Variants in PCDHGA5 observed in about 807,000 individuals in gnomAD.
PCDHGA5 encodes protocadherin gamma subfamily A, 5.
Under a neutral mutation model 56.7 loss-of-function variants are expected in PCDHGA5, and 36 were observed. That is an observed-to-expected ratio of 0.64 (90% CI 0.49 to 0.84). The LOEUF (loss-of-function observed/expected upper bound fraction) is 0.84, where lower values mean the gene tolerates loss of function less well. Among genes scored for constraint, PCDHGA5 ranks in the 40% least tolerant of loss-of-function variants. PCDHGA5 has a pLI of 0.00. For missense variants in PCDHGA5, 1,305 were observed against 1,201.5 expected, an observed-to-expected ratio of 1.09 and a Z score of -1.27; for synonymous variants, 563 against 520.2, an observed-to-expected ratio of 1.08 and a Z score of -1.12.
At chr5:141,397,871 C>G (rs2093579938) in intron 1 of PCDHGA5, 6 of 574,628 alleles carry the variant, frequency 1.0e-5, no homozygotes, top group Non-Finnish European at 1.8e-5. Flanking sequence ...AGTGCTGACT[C>G]TGGGCGCCGC....
rs1446432461 is a variant in PCDHGA5, at chr5:141,511,005, C to G, written c.2628C>G (p.Ala876=). 6.2e-7 allele frequency: 1 copy of G among 1,614,176 alleles called. No individual in the cohort carries two copies. Among genetic ancestry groups the G allele is most frequent in the Middle Eastern group, 1.6e-4 (1 of 6,062 alleles). ...GGGAGTMGLS[A]RYGPQFTLQH... is the part of the protein sequence containing the mutation. ...GTGCCGGCACCATGGGATTGAGCGC[C>G]CGCTACGGACCCCAGTTCACCCTGC... Residue 876 remains alanine, a synonymous_variant, in exon 4 of 4, where the codon GCC becomes GCG. Coordinates refer to ENST00000518069, the MANE Select transcript of PCDHGA5 (RefSeq NM_018918.3).
intron 1 of PCDHGA5, chr5:141,404,273 C>G (rs751189949): frequency 6.2e-7 from 1 of 1,613,870 alleles, no homozygotes; most frequent in African/African-American, 1.3e-5. Flanking sequence ...CATCACCCTG[C>G]AAGTGACTGA....
At chr5:141,400,214 C>T in intron 1 of PCDHGA5, 1 of 1,614,042 alleles carries the variant, frequency 6.2e-7, no homozygotes, top group Non-Finnish European at 8.5e-7. Context: ...GCCTTGATCT[C>T]AGTGCTCTTC....
chr5:141,409,753 G>T, intron 1 of PCDHGA5: 1 of 1,613,006 alleles, frequency 6.2e-7, no homozygotes. Context: ...TGTTCGCGCA[G>T]CGCGCCTTTG....
Position 141,366,644 on chromosome 5 carries a change from C to G in PCDHGA5, c.2314C>G (p.Gln772Glu), listed in dbSNP as rs759831298. The change falls in exon 1 of 4, where the codon CAG (glutamine) becomes GAG (glutamate). Residue 772 changes from glutamine (Q) to glutamate (E), a missense_variant. Gln to Glu is a conservative substitution (Grantham distance 29). Coordinates refer to ENST00000518069, the MANE Select transcript of PCDHGA5 (RefSeq NM_018918.3). ...GAGGAAGAGTCACCTGATCTTTCCC[C>G]AGCCCAACTACGCAGACACGCTCCT... Reference protein sequence around the residue: ...DSRKSHLIFPQPNYADTLLSE... With the variant: ...DSRKSHLIFPEPNYADTLLSE... The G allele has an allele frequency of 3.7e-6, 6 of 1,614,268 alleles. No homozygotes were observed. Among genetic ancestry groups the G allele is most frequent in the Non-Finnish European group, 5.1e-6 (6 of 1,180,046 alleles).
At chr5:141,399,901 G>A (rs767228671) in intron 1 of PCDHGA5, 42 of 1,612,296 alleles carry the variant, frequency 2.6e-5, no homozygotes, top group African/African-American at 1.3e-5. Flanking sequence ...GGCCGTGGAC[G>A]CAGACTCAGG....
intron 1 of PCDHGA5, chr5:141,430,848 A>G (rs780445178): frequency 1.3e-6 from 2 of 1,581,028 alleles, no homozygotes; most frequent in Admixed American, 1.8e-5. Flanking sequence ...GGATGCACCC[A>G]GATACGCTAT....
At chr5:141,442,111 C>G (rs1265830634) in intron 1 of PCDHGA5, 1 of 166,236 alleles carries the variant, frequency 6.0e-6, no homozygotes, top group Non-Finnish European at 1.3e-5. Context: ...CACTACCGCC[C>G]CTCGTCGCCG....
intron 1 of PCDHGA5, chr5:141,422,519 C>T (rs1297821851): frequency 6.2e-7 from 1 of 1,613,968 alleles, no homozygotes; most frequent in African/African-American, 1.3e-5. Context: ...CAGGGAAGCC[C>T]GCCTTTGTCT....
Position 141,486,243 on chromosome 5 carries a change from G to T in PCDHGA5, c.2422-8564G>T. ...TACATCACAGTGACCTCAGAGCTTG[G>T]AACCCTCCCCGAGAGTGCAGAACCT... is the stretch of plus-strand genomic sequence containing the variant. On this transcript the variant is annotated intron_variant, in intron 1 of 3. Coordinates refer to ENST00000518069, the MANE Select transcript of PCDHGA5 (RefSeq NM_018918.3). The surrounding 1 kb of genome is among the most constrained non-coding windows in gnomAD (Gnocchi z 5.0). 1 of 1,614,156 alleles carries T rather than the reference G, an allele frequency of 6.2e-7. No individual in the cohort carries two copies. Among genetic ancestry groups the T allele is most frequent in the Non-Finnish European group, 8.5e-7 (1 of 1,180,018 alleles).
intron 1 of PCDHGA5, among the ~76,000 whole-genome samples, chr5:141,464,886 A>T (rs541933775): frequency 5.2e-4 from 79 of 152,156 alleles, no homozygotes; most frequent in African/African-American, 1.9e-3. Flanking sequence ...CTACAGATGG[A>T]TGCCACCATG....
At chr5:141,463,784 T>G (rs2099069378) in intron 1 of PCDHGA5, among the ~76,000 whole-genome samples, 1 of 152,194 alleles carries the variant, frequency 6.6e-6, no homozygotes, top group South Asian at 2.1e-4. Context: ...CTGCACTGTC[T>G]TTTGAACAAA....
intron 1 of PCDHGA5, chr5:141,410,388 C>G (rs1312753736): frequency 6.2e-7 from 1 of 1,613,962 alleles, no homozygotes; most frequent in African/African-American, 1.3e-5. Flanking sequence ...TGCTTCCATC[C>G]TGGTCTCTGT....
chr5:141,384,152 A>T (rs1588962194), intron 1 of PCDHGA5: 2 of 1,613,508 alleles, frequency 1.2e-6, no homozygotes, highest in Non-Finnish European at 1.7e-6. Flanking sequence ...CTCTCTTTGT[A>T]TAACATCACA....
intron 1 of PCDHGA5, among the ~76,000 whole-genome samples, chr5:141,488,087 G>A (rs1479773288): frequency 6.6e-6 from 1 of 152,198 alleles, no homozygotes; most frequent in East Asian, 1.9e-4. Flanking sequence ...CTAGTACACT[G>A]TGAAGGGACC....
chr5:141,509,027 A>G (rs1409179803), intron 3 of PCDHGA5, among the ~76,000 whole-genome samples: 1 of 151,700 alleles, frequency 6.6e-6, no homozygotes, highest in Non-Finnish European at 1.5e-5. Flanking sequence ...GCTCCCTCCC[A>G]CTCAACCCCT....
Position 141,423,519 on chromosome 5 carries a change from G to A in PCDHGA5, c.2421+56768G>A, listed in dbSNP as rs758742300. On this transcript the variant is annotated intron_variant, in intron 1 of 3. Coordinates refer to ENST00000518069, the MANE Select transcript of PCDHGA5 (RefSeq NM_018918.3). ...ACGAGGTCTCTCTCATTGCGGACTC[G>A]CAGAAGAGTCACCTGATTTTCCCCC... 8.1e-6 allele frequency: 13 copies of A among 1,613,752 alleles called. 1 individual carries two copies. In the South Asian group the frequency reaches 1.1e-4, roughly 14 times the overall value.
chr5:141,421,239 G>T (rs773410079), intron 1 of PCDHGA5: 5 of 1,599,000 alleles, frequency 3.1e-6, no homozygotes, highest in Middle Eastern at 3.3e-4. Flanking sequence ...TGGCGAATCG[G>T]CTACAGCGCG....
intron 1 of PCDHGA5, chr5:141,393,946 A>G (rs1417125080): frequency 4.3e-6 from 7 of 1,613,892 alleles, no homozygotes; most frequent in Non-Finnish European, 4.2e-6. Context: ...GACTCTGGAA[A>G]GAATGGTCAA....
Sources: gnomAD v4.1 joint callset for allele counts (sites outside exome capture counted in the v4.1 genomes callset) on GRCh38, gnomAD v4.1.1 for gene constraint, Gnocchi (gnomAD v3.1) non-coding constraint, MANE v1.5 for transcripts, NCBI Gene and HGNC (gene_info 2026-07-23, HGNC 2026-07-21) for gene names.